The following CTNND2 variants were observed in gnomAD, a reference collection of about 807,000 sequenced individuals.
CTNND2 encodes catenin delta-2.
In CTNND2, 22 loss-of-function variants were observed where a neutral mutation model predicts 144.4. The ratio of observed to expected loss-of-function variants is 0.15; its 90% CI spans 0.11 to 0.22. CTNND2 has a LOEUF of 0.22. Among genes scored for constraint, CTNND2 ranks in the 10% least tolerant of loss-of-function variants. The pLI is 1.00. For synonymous variants in CTNND2, 751 were observed against 695.6 expected, an observed-to-expected ratio of 1.08 and a Z score of -1.25; for missense variants, 1,353 against 1,618.8, an observed-to-expected ratio of 0.84 and a Z score of 2.82.
At chr5:11,845,408 G>T (rs891232367) in intron 1 of CTNND2, among the ~76,000 whole-genome samples, 3 of 152,136 alleles carry the variant, frequency 2.0e-5, no homozygotes, top group Non-Finnish European at 2.9e-5. Context: ...GACTTATTTG[G>T]AAACAGAGGC....
At chr5:11,856,071 T>C (rs1032174622) in intron 1 of CTNND2, among the ~76,000 whole-genome samples, 2 of 152,222 alleles carry the variant, frequency 1.3e-5, no homozygotes, top group Non-Finnish European at 2.9e-5. Context: ...CTCACAAATA[T>C]CTATTCAGCA....
intron 12 of CTNND2, among the ~76,000 whole-genome samples, chr5:11,134,962 TCA>T (rs1755984120): frequency 6.6e-6 from 1 of 152,316 alleles, no homozygotes. Flanking sequence ...TAAAAACAGG[TCA>T]CAAGTTGGCC....
chr5:11,366,885 A>C (rs2149775378), intron 7 of CTNND2, among the ~76,000 whole-genome samples: 1 of 152,306 alleles, frequency 6.6e-6, no homozygotes, highest in Non-Finnish European at 1.5e-5. Flanking sequence ...TATTACATGC[A>C]TTTATTTGGC....
At chr5:11,265,705 T>C (rs1428730592) in intron 9 of CTNND2, among the ~76,000 whole-genome samples, 3 of 131,214 alleles carry the variant, frequency 2.3e-5, no homozygotes, top group Non-Finnish European at 4.8e-5. Flanking sequence ...TCTATTTTTT[T>C]TTTTTTTTTT....
In CTNND2 at chr5:11,186,198, A is replaced by C. The variant is rs16901384; in HGVS notation, c.1975+13250T>G. Reference sequence around the variant, plus strand: ...GAAGGCAACTTCAGACGGTTCAAGAACATCCAACATTTTACTGCTGCAGAA... The same window carrying C: ...GAAGGCAACTTCAGACGGTTCAAGACCATCCAACATTTTACTGCTGCAGAA... On this transcript the variant is annotated intron_variant, in intron 11 of 21. Coordinates refer to ENST00000304623, the MANE Select transcript of CTNND2 (RefSeq NM_001332.4). Among the ~76,000 whole-genome samples, 669 of 152,372 alleles carry C rather than the reference A, an allele frequency of 4.4e-3. 7 individuals carry two copies. Among genetic ancestry groups the C allele is most frequent in the African/African-American group, 0.015 (631 of 41,592 alleles).
chr5:11,511,040 C>G (rs1293286157), intron 3 of CTNND2, among the ~76,000 whole-genome samples: 1 of 152,134 alleles, frequency 6.6e-6, no homozygotes, highest in Non-Finnish European at 1.5e-5. Context: ...AGGAAACTTC[C>G]ATAATGCGTA....
rs577900617 is a variant in CTNND2 at position 11,441,808 on chromosome 5, C to T, written c.288-29739G>A. Among the ~76,000 whole-genome samples, 418 of 152,212 alleles carry T rather than the reference C, an allele frequency of 2.7e-3. 1 individual carries two copies. The highest frequency in any genetic ancestry group is 5.6e-3 in the Admixed American group (86 of 15,294). The stretch of plus-strand genomic sequence containing the variant: ...AAGTGCATCCATCATACTGTCTTCT[C>T]CTTAATCATCAGTTATGTGACTATT... On this transcript the variant is annotated intron_variant, in intron 3 of 21. Transcript: ENST00000304623.
Position 11,098,348 on chromosome 5 carries a change from ACATCTAGTC to A in CTNND2, c.2637+218_2637+226del, listed in dbSNP as rs63749168. Among the ~76,000 whole-genome samples the A allele has an allele frequency of 0.13, 19,431 of 152,156 alleles. 1,427 individuals carry two copies. Among genetic ancestry groups the A allele is most frequent in the African/African-American group, 0.21 (8,662 of 41,504 alleles). On this transcript the variant is annotated intron_variant, in intron 15 of 21. Transcript: ENST00000304623. The stretch of plus-strand genomic sequence containing the variant: ...CACAGCATTTTCAGTGACTATAACC[ACATCTAGTC>A]CTCTCTGTTTGTAGTGATCTTCAAG...
intron 9 of CTNND2, among the ~76,000 whole-genome samples, chr5:11,243,134 A>G (rs1357471234): frequency 2.0e-5 from 3 of 152,224 alleles, no homozygotes; most frequent in African/African-American, 7.2e-5. Flanking sequence ...CTTAGTGTAA[A>G]GGGAGACACT....
intron 14 of CTNND2, among the ~76,000 whole-genome samples, chr5:11,109,204 G>C (rs1032300671): frequency 1.3e-5 from 2 of 152,222 alleles, no homozygotes; most frequent in Non-Finnish European, 2.9e-5. Flanking sequence ...AGACCAGAAA[G>C]TGATGCATAG....
intron 9 of CTNND2, among the ~76,000 whole-genome samples, chr5:11,255,380 G>A (rs913262261): frequency 2.0e-5 from 3 of 152,164 alleles, no homozygotes; most frequent in African/African-American, 7.2e-5. Context: ...TTGCACAGAG[G>A]CCGACTAGAA....
chr5:11,208,395 A>C (rs1368931703), intron 10 of CTNND2, among the ~76,000 whole-genome samples: 1 of 152,196 alleles, frequency 6.6e-6, no homozygotes, highest in Non-Finnish European at 1.5e-5. Context: ...AAATCACAAG[A>C]AAAATAGAGA....
At chr5:11,521,434 G>C (rs1358006475) in intron 3 of CTNND2, among the ~76,000 whole-genome samples, 1 of 152,164 alleles carries the variant, frequency 6.6e-6, no homozygotes, top group East Asian at 1.9e-4. Flanking sequence ...ACTTACCTTA[G>C]AGAGTTGTTC....
chr5:11,098,121 A>G (rs1213720165), intron 15 of CTNND2, among the ~76,000 whole-genome samples: 1 of 146,536 alleles, frequency 6.8e-6, no homozygotes, highest in Non-Finnish European at 1.5e-5. Flanking sequence ...CTTTAAAAAC[A>G]TAAGGGGTTC....
At chr5:11,872,602 T>A (rs1397721152) in intron 1 of CTNND2, among the ~76,000 whole-genome samples, 1 of 152,240 alleles carries the variant, frequency 6.6e-6, no homozygotes. Context: ...GGTATGTCAT[T>A]ATGGTTTTGA....
intron 3 of CTNND2, among the ~76,000 whole-genome samples, chr5:11,541,142 G>A (rs899483316): frequency 6.6e-6 from 1 of 152,138 alleles, no homozygotes; most frequent in Non-Finnish European, 1.5e-5. Context: ...TTGCATATTA[G>A]CCTCACCTGG....
intron 9 of CTNND2, among the ~76,000 whole-genome samples, chr5:11,277,468 T>C (rs1018658682): frequency 2.0e-5 from 3 of 151,768 alleles, no homozygotes; most frequent in Non-Finnish European, 4.4e-5. Context: ...TTGAATAGTA[T>C]GGGCTGCTCT....
intron 16 of CTNND2, among the ~76,000 whole-genome samples, chr5:11,046,144 G>T (rs1400439953): frequency 6.6e-6 from 1 of 152,074 alleles, no homozygotes; most frequent in Non-Finnish European, 1.5e-5. Context: ...CTCAGAATGC[G>T]GCCTTATGTA....
intron 2 of CTNND2, among the ~76,000 whole-genome samples, chr5:11,694,559 G>T (rs1785059391): frequency 6.6e-6 from 1 of 152,212 alleles, no homozygotes; most frequent in Non-Finnish European, 1.5e-5. Context: ...TATCTTCTGA[G>T]GCCTCAGTTA....
Sources: gnomAD v4.1 joint callset for allele counts (sites outside exome capture counted in the v4.1 genomes callset) on GRCh38, gnomAD v4.1.1 for gene constraint, MANE v1.5 for transcripts, NCBI Gene and HGNC (gene_info 2026-07-23, HGNC 2026-07-21) for gene names.